SFMBT2: variants seen among roughly 807,000 people sequenced by gnomAD.
The protein encoded by SFMBT2 is Scm like with four mbt domains 2.
SFMBT2 carries 38 observed loss-of-function variants against 110.1 expected under a neutral mutation model. That is an observed-to-expected ratio of 0.35 (90% CI 0.27 to 0.45). The LOEUF (loss-of-function observed/expected upper bound fraction) is 0.45. SFMBT2 is among the 20% of genes least tolerant of loss of function. The probability of loss-of-function intolerance (pLI) is 1.00; values close to 1 mark genes in which losing one functional copy is unlikely to be tolerated. For missense variants in SFMBT2, 1,011 were observed against 1,094.9 expected (o/e 0.92, Z 1.08); for synonymous variants, 425 against 425.4 (o/e 1.00, Z 0.01).
chr10:7,234,778 C>CA lies in SFMBT2; in HGVS notation c.1121-6842dup, dbSNP rs775704415. Among the ~76,000 whole-genome samples the CA allele has an allele frequency of 2.8e-3, 414 of 150,444 alleles. 4 individuals are homozygous for CA. The highest frequency in any genetic ancestry group is 8.5e-3 in the African/African-American group (347 of 40,998). ...AAAAGAGAAGAAAATCTCCAGACACCAAAAAAAAAGTAAAAAATAAAAAAC... is the reference window on the plus strand; with the variant it reads ...AAAAGAGAAGAAAATCTCCAGACACCAAAAAAAAAAGTAAAAAATAAAAAAC... On this transcript the variant is annotated intron_variant, in intron 9 of 20. Coordinates refer to ENST00000397167, the MANE Select transcript of SFMBT2 (RefSeq NM_001387889.1).
chr10:7,271,593 C>T (rs1841586582), intron 7 of SFMBT2, among the ~76,000 whole-genome samples: 1 of 152,126 alleles, frequency 6.6e-6, no homozygotes, highest in Non-Finnish European at 1.5e-5. Flanking sequence ...GGAAGGATTC[C>T]TTTGGGGAAT....
intron 16 of SFMBT2, 54 bp from the exon 17 acceptor site, chr10:7,176,219 C>G: frequency 6.4e-7 from 1 of 1,572,076 alleles, no homozygotes; most frequent in Non-Finnish European, 8.7e-7. Flanking sequence ...ATGATTCAGG[C>G]CTATTCTGTA....
intron 15 of SFMBT2, among the ~76,000 whole-genome samples, chr10:7,192,166 A>C (rs886595361): frequency 6.6e-6 from 1 of 152,196 alleles, no homozygotes; most frequent in Admixed American, 6.5e-5. Context: ...TGGGTTAACT[A>C]ATGTTCAGCA....
At chr10:7,222,409 G>A (rs540139889) in intron 10 of SFMBT2, among the ~76,000 whole-genome samples, 2 of 152,348 alleles carry the variant, frequency 1.3e-5, no homozygotes, top group South Asian at 4.1e-4. Flanking sequence ...AATTTATTTT[G>A]TCATGGTCCT....
chr10:7,262,279 C>T (rs1428916350), intron 7 of SFMBT2, among the ~76,000 whole-genome samples: 1 of 152,104 alleles, frequency 6.6e-6, no homozygotes, highest in Non-Finnish European at 1.5e-5. Flanking sequence ...AACAATTTTA[C>T]CGTGGCTTAA....
At chr10:7,228,243 T>C (rs951666532) in intron 9 of SFMBT2, 1 of 285,752 alleles carries the variant, frequency 3.5e-6, no homozygotes, top group Non-Finnish European at 5.2e-6. Flanking sequence ...GGATATGGCA[T>C]AAAATACACT....
At chr10:7,358,496 AGAACACCTGCATGGCCCTG>A (rs953849362) in intron 4 of SFMBT2, among the ~76,000 whole-genome samples, 1 of 149,980 alleles carries the variant, frequency 6.7e-6, no homozygotes, top group Non-Finnish European at 1.5e-5. Context: ...GCATGGCCCT[AGAACACCTGCATGGCCCTG>A]GAACAGAGGC....
At chr10:7,246,029 T>C (rs1840597104) in intron 8 of SFMBT2, 1 of 223,218 alleles carries the variant, frequency 4.5e-6, no homozygotes, top group African/African-American at 2.3e-5. Flanking sequence ...AGTATTCTGA[T>C]ACCTCATTAC....
chr10:7,242,167 A>G (rs1015784385), intron 9 of SFMBT2, among the ~76,000 whole-genome samples: 7 of 152,146 alleles, frequency 4.6e-5, no homozygotes, highest in African/African-American at 1.2e-4. Context: ...CGTTGATAAT[A>G]TGACTCCCCC....
At chr10:7,361,362 G>A (rs950063387) in intron 4 of SFMBT2, among the ~76,000 whole-genome samples, 1 of 152,172 alleles carries the variant, frequency 6.6e-6, no homozygotes, top group African/African-American at 2.4e-5. Context: ...GGAGTCCACA[G>A]TTGAGCCATG....
chr10:7,387,569 G>A (rs551524276), intron 1 of SFMBT2, among the ~76,000 whole-genome samples: 14 of 152,000 alleles, frequency 9.2e-5, no homozygotes, highest in Admixed American at 2.6e-4. Flanking sequence ...GCCGGGGGGT[G>A]CATCAAAGCG....
intron 9 of SFMBT2, chr10:7,228,313 C>T (rs1165262915): frequency 9.2e-5 from 61 of 661,752 alleles, no homozygotes; most frequent in Non-Finnish European, 1.1e-4. Context: ...AGCCTGAGTT[C>T]GTGGGAGCTT....
At chr10:7,330,314 T>C (rs1423675731) in intron 4 of SFMBT2, among the ~76,000 whole-genome samples, 1 of 152,182 alleles carries the variant, frequency 6.6e-6, no homozygotes, top group Non-Finnish European at 1.5e-5. Context: ...GAGACTTCCG[T>C]TAAAATCACC....
chr10:7,307,897 A>T (rs1358065618), intron 4 of SFMBT2, among the ~76,000 whole-genome samples: 1 of 152,262 alleles, frequency 6.6e-6, no homozygotes, highest in Non-Finnish European at 1.5e-5. Flanking sequence ...TATTAAAAGC[A>T]AGAATTTCTG....
At position 7,287,618 on chromosome 10, in the gene SFMBT2, A is replaced by G. The variant is rs946346916; in HGVS notation, c.437-1664T>C. Reference sequence around the variant, plus strand: ...GACCCTAGCCCCAGATGAACCACCCATCACAGCCAGCCCTCCACGTGGGCA... The same window carrying G: ...GACCCTAGCCCCAGATGAACCACCCGTCACAGCCAGCCCTCCACGTGGGCA... On this transcript the variant is annotated intron_variant, in intron 4 of 20. Transcript: ENST00000397167. Among the ~76,000 whole-genome samples, 48 of 152,258 alleles carry G rather than the reference A, an allele frequency of 3.2e-4. 1 individual carries two copies. The highest frequency in any genetic ancestry group is 3.4e-3 in the Middle Eastern group (1 of 294).
At position 7,161,155 on chromosome 10, in the gene SFMBT2, A is replaced by G. The variant is rs1052827994; in HGVS notation, c.*2615T>C. 8 of 152,270 alleles carry G rather than the reference A, an allele frequency of 5.3e-5. No homozygotes were observed. The highest frequency in any genetic ancestry group is 1.7e-4 in the African/African-American group (7 of 41,456). 9.4% of individuals were successfully genotyped at this position (152,270 alleles called of 1,614,324 possible). On this transcript the variant is annotated 3_prime_UTR_variant, in exon 21 of 21. Coordinates refer to ENST00000397167, the MANE Select transcript of SFMBT2 (RefSeq NM_001387889.1). ...GGAAGCAAACACTTTCCCCTGCGAC[A>G]GTGGCTGTATCCTTCCTGAGCTCCT...
At chr10:7,369,611 C>A (rs993710885) in intron 3 of SFMBT2, among the ~76,000 whole-genome samples, 9 of 152,164 alleles carry the variant, frequency 5.9e-5, no homozygotes, top group African/African-American at 1.7e-4. Context: ...TTCCTCTAAT[C>A]TGACTCATCT....
At chr10:7,390,870 C>T (rs1217740596) in intron 1 of SFMBT2, among the ~76,000 whole-genome samples, 4 of 152,290 alleles carry the variant, frequency 2.6e-5, no homozygotes, top group East Asian at 1.9e-4. Context: ...GAAGCTGAAG[C>T]AGAAGGATCA....
chr10:7,189,586 A>G (rs1838533864), intron 15 of SFMBT2, among the ~76,000 whole-genome samples: 2 of 152,236 alleles, frequency 1.3e-5, no homozygotes, highest in South Asian at 4.1e-4. Flanking sequence ...TGTTTGGATA[A>G]AGACCTTACA....
Sources: gnomAD v4.1 joint callset for allele counts (sites outside exome capture counted in the v4.1 genomes callset) on GRCh38, gnomAD v4.1.1 for gene constraint, MANE v1.5 for transcripts, NCBI Gene and HGNC (gene_info 2026-07-23, HGNC 2026-07-21) for gene names.